Variants in GDAP1L1 observed in about 807,000 individuals in gnomAD.
GDAP1L1 encodes the protein ganglioside-induced differentiation-associated protein 1-like 1.
In GDAP1L1, 21 loss-of-function variants were observed where a neutral mutation model predicts 37.1. The observed-to-expected ratio is 0.57, with a 90% CI of 0.40 to 0.81. The LOEUF is 0.81. Among genes scored for constraint, GDAP1L1 ranks in the 40% least tolerant of loss-of-function variants. GDAP1L1 has a pLI of 0.00. For synonymous variants in GDAP1L1, 193 were observed against 209.1 expected (o/e 0.92, Z 0.67); for missense variants, 362 against 491.6 (o/e 0.74, Z 2.49).
intron 1 of GDAP1L1, among the ~76,000 whole-genome samples, chr20:44,249,038 A>ATT (rs58008317): frequency 5.9e-4 from 85 of 143,778 alleles, no homozygotes; most frequent in Non-Finnish European, 1.0e-3. Flanking sequence ...GAGTGTTATG[A>ATT]TTTTTTTTTT....
intron 5 of GDAP1L1, among the ~76,000 whole-genome samples, chr20:44,265,845 T>C (rs142411487): frequency 1.3e-5 from 2 of 152,176 alleles, no homozygotes; most frequent in Non-Finnish European, 2.9e-5. Flanking sequence ...ACTTGTTCCC[T>C]CTCGATGGGT....
At chr20:44,270,378 G>A (rs1446922850) in intron 5 of GDAP1L1, among the ~76,000 whole-genome samples, 1 of 151,906 alleles carries the variant, frequency 6.6e-6, no homozygotes. Flanking sequence ...CACCGTTTTA[G>A]CCGGGATGGT....
At chr20:44,264,328 T>TG (rs2073726696) in intron 4 of GDAP1L1, 117 bp from the exon 5 acceptor site, 3 of 1,256,738 alleles carry the variant, frequency 2.4e-6, no homozygotes, top group South Asian at 2.2e-5. Flanking sequence ...CCTATACACT[T>TG]GGGGGGCATT....
At chr20:44,253,862 G>A (rs2073490404) in intron 1 of GDAP1L1, among the ~76,000 whole-genome samples, 5 of 152,228 alleles carry the variant, frequency 3.3e-5, no homozygotes, top group African/African-American at 1.2e-4. Context: ...TGCCTCTAAA[G>A]ATATAGTCCC....
chr20:44,276,412 A>AGAAAG (rs1486592312), intron 5 of GDAP1L1, among the ~76,000 whole-genome samples: 1 of 113,308 alleles, frequency 8.8e-6, no homozygotes, highest in Non-Finnish European at 1.8e-5. Context: ...AGAAAAAAGA[A>AGAAAG]AAAGAAAGAA....
At chr20:44,258,803 C>G (rs1028939092) in intron 3 of GDAP1L1, among the ~76,000 whole-genome samples, 196 bp downstream of exon 3, 1 of 152,070 alleles carries the variant, frequency 6.6e-6, no homozygotes, top group Admixed American at 6.6e-5. Context: ...TGGTCTCTCT[C>G]TCTCTCTCTT....
At chr20:44,251,296 G>A (rs1009731567) in intron 1 of GDAP1L1, among the ~76,000 whole-genome samples, 2 of 152,174 alleles carry the variant, frequency 1.3e-5, no homozygotes, top group African/African-American at 2.4e-5. Context: ...TCTGAGGGTC[G>A]TCTCTGGCTC....
rs1379772737 is a variant in GDAP1L1, at chr20:44,254,427, CCT to C, written c.181-2720_181-2719del. 3.9e-5 allele frequency among the ~76,000 whole-genome samples: 6 copies of C among 152,340 alleles called. No individual in the cohort carries two copies. The East Asian group carries it at 7.7e-4, about 20-fold the overall frequency. On this transcript the variant is annotated intron_variant, in intron 1 of 5. Transcript: ENST00000342560. ...CTCACTCTCTGCAACAGTTTTTCCCCCTCTCTCAGACAGAACGAGAAGCTCCC... is the reference window on the plus strand; with the variant it reads ...CTCACTCTCTGCAACAGTTTTTCCCCCTCTCAGACAGAACGAGAAGCTCCC...
At chr20:44,252,579 G>T (rs1316312029) in intron 1 of GDAP1L1, among the ~76,000 whole-genome samples, 1 of 152,232 alleles carries the variant, frequency 6.6e-6, no homozygotes, top group Non-Finnish European at 1.5e-5. Flanking sequence ...GGCGGAGGTT[G>T]CAGTCAGCCG....
chr20:44,268,681 G>A (rs1210141211), intron 5 of GDAP1L1, among the ~76,000 whole-genome samples: 1 of 152,250 alleles, frequency 6.6e-6, no homozygotes, highest in Non-Finnish European at 1.5e-5. Context: ...AAGGAGCCTG[G>A]AGAAGAATCA....
Position 44,258,562 on chromosome 20 carries a change from A to G in GDAP1L1, c.502A>G (p.Thr168Ala). The G allele has an allele frequency of 1.3e-6, 2 of 1,598,424 alleles. No individual in the cohort carries two copies. The highest frequency in any genetic ancestry group is 1.7e-6 in the Non-Finnish European group (2 of 1,173,432). Reference sequence around the variant, plus strand: ...TGGCTGCATCCTGCATCCCGAGCTCACCACCGACTCCATGATCCCCAAGTA... The same window carrying G: ...TGGCTGCATCCTGCATCCCGAGCTCGCCACCGACTCCATGATCCCCAAGTA... ...THGCILHPELTTDSMIPKYAT... is the reference protein window; with the variant it reads ...THGCILHPELATDSMIPKYAT... The change falls in exon 3 of 6, where the codon ACC becomes GCC. Residue 168 changes from threonine to alanine, a missense_variant. This residue lies in a region of GDAP1L1 where 277 missense variants were observed against 337.1 expected (regional missense o/e 0.82). Coordinates refer to ENST00000342560, the MANE Select transcript of GDAP1L1 (RefSeq NM_024034.6).
chr20:44,247,636 C>T (rs1424395146), intron 1 of GDAP1L1, 122 bp downstream of exon 1: 8 of 948,684 alleles, frequency 8.4e-6, no homozygotes, highest in Non-Finnish European at 1.2e-5. Context: ...TTTGGGGGTC[C>T]CGGAGGTCGG....
intron 2 of GDAP1L1, chr20:44,258,201 C>T: frequency 1.4e-6 from 1 of 718,144 alleles, no homozygotes; most frequent in African/African-American, 1.7e-5. Flanking sequence ...CCCCGCCTGG[C>T]AGCAAGTCTG....
chr20:44,273,420 G>A (rs1347016778), intron 5 of GDAP1L1, among the ~76,000 whole-genome samples: 2 of 152,138 alleles, frequency 1.3e-5, no homozygotes, highest in Non-Finnish European at 2.9e-5. Context: ...CATGCAGTCT[G>A]CAGCTGGGGA....
At chr20:44,263,846 A>T (rs1419460565) in intron 4 of GDAP1L1, among the ~76,000 whole-genome samples, 1 of 151,848 alleles carries the variant, frequency 6.6e-6, no homozygotes, top group African/African-American at 2.4e-5. Context: ...TCTGTCTCAA[A>T]TAATAATAAT....
intron 5 of GDAP1L1, among the ~76,000 whole-genome samples, chr20:44,276,419 A>AGAAAGAAAGAAG (rs1568659499): frequency 7.5e-6 from 1 of 134,146 alleles, no homozygotes; most frequent in Non-Finnish European, 1.6e-5. Context: ...AGAAAAAGAA[A>AGAAAGAAAGAAG]GAAAGAAAGA....
intron 5 of GDAP1L1, 94 bp downstream of exon 5, chr20:44,264,653 A>G: frequency 6.6e-7 from 1 of 1,521,044 alleles, no homozygotes; most frequent in East Asian, 2.5e-5. Context: ...CAAAAGTCTC[A>G]GAGGACCTCC....
intron 1 of GDAP1L1, among the ~76,000 whole-genome samples, chr20:44,256,014 G>A (rs535938686): frequency 2.6e-5 from 4 of 152,166 alleles, no homozygotes; most frequent in Non-Finnish European, 5.9e-5. Context: ...GTGTCTGGGA[G>A]CCCTTAGAAA....
At chr20:44,271,372 A>G (rs922852778) in intron 5 of GDAP1L1, among the ~76,000 whole-genome samples, 1 of 152,202 alleles carries the variant, frequency 6.6e-6, no homozygotes, top group Non-Finnish European at 1.5e-5. Context: ...GAAGACCCAC[A>G]TGTTAGGAGG....
Sources: gnomAD v4.1 joint callset for allele counts (sites outside exome capture counted in the v4.1 genomes callset) on GRCh38, gnomAD v4.1.1 for gene constraint, gnomAD v4.1.1 regional missense constraint, MANE v1.5 for transcripts, NCBI Gene and HGNC (gene_info 2026-07-23, HGNC 2026-07-21) for gene names.